The following STAT2 variants were observed in gnomAD, a reference collection of about 807,000 sequenced individuals.
STAT2 encodes the protein signal transducer and activator of transcription 2.
STAT2 carries 51 observed loss-of-function variants against 122.3 expected under a neutral mutation model. That is an observed-to-expected ratio of 0.42 (90% CI 0.33 to 0.53). The LOEUF (loss-of-function observed/expected upper bound fraction) is 0.53, where lower values mean the gene tolerates loss of function less well. Among genes scored for constraint, STAT2 ranks in the 20% least tolerant of loss-of-function variants. The pLI, the probability that STAT2 is intolerant of heterozygous loss-of-function variation, is 0.10. For missense variants in STAT2, 736 were observed against 1,010.3 expected (o/e 0.73, Z 3.68); for synonymous variants, 351 against 394.9 (o/e 0.89, Z 1.32).
chr12:56,352,285 A>G (rs1173690077), intron 8 of STAT2: 2 of 150,806 alleles, frequency 1.3e-5, no homozygotes, highest in African/African-American at 4.9e-5. Flanking sequence ...GAAAACAACC[A>G]TACACTACAC....
At chr12:56,352,371 T>TTTGTTGG (rs1565655623) in intron 8 of STAT2, 2 of 28,464 alleles carry the variant, frequency 7.0e-5, no homozygotes, top group Non-Finnish European at 6.8e-5. Flanking sequence ...TTTTTTTTTT[T>TTTGTTGG]GGTGGGGGTG....
rs369374555 is a variant in STAT2, at chr12:56,349,147, G to T, written c.1440+16C>A. On this transcript the variant is annotated intron_variant, in intron 16 of 23. Transcript: ENST00000314128. ...CCCTCCTCTCGCGCCTTGACCTGTCGGCCCCACTCCCCTACCTGAAGGTTT... is the reference window on the plus strand; with the variant it reads ...CCCTCCTCTCGCGCCTTGACCTGTCTGCCCCACTCCCCTACCTGAAGGTTT... 31 of 1,613,886 alleles carry T rather than the reference G, an allele frequency of 1.9e-5. No individual in the cohort carries two copies. The highest frequency in any genetic ancestry group is 2.6e-5 in the Non-Finnish European group (31 of 1,180,004).
At chr12:56,348,832 G>C in intron 17 of STAT2, 28 bp from the exon 18 acceptor site, 7 of 1,614,218 alleles carry the variant, frequency 4.3e-6, no homozygotes, top group South Asian at 1.1e-5. Context: ...ACAGACAGAT[G>C]ATGAGGGAAG....
intron 17 of STAT2, 45 bp downstream of exon 17, chr12:56,348,879 A>G: frequency 6.2e-7 from 1 of 1,613,822 alleles, no homozygotes; most frequent in African/African-American, 1.3e-5. Flanking sequence ...GAGGGACAGA[A>G]AAGACTAAGG....
rs745776810 is a variant in STAT2 at position 56,343,973 on chromosome 12, C to T, written c.2265G>A (p.Leu755=). Residue 755 remains leucine, a synonymous_variant, in exon 23 of 24, where the codon CTG becomes CTA. Transcript: ENST00000314128. ...LDLGPELESV[L]ESTLEPVIEP... is the part of the protein sequence containing the mutation. ...CTATCACAGGCTCCAGAGTGGACTCCAGCACAGACTCTAGCTCTGGCCCCA... is the reference window on the plus strand; with the variant it reads ...CTATCACAGGCTCCAGAGTGGACTCTAGCACAGACTCTAGCTCTGGCCCCA... 3 of 1,614,194 alleles carry T rather than the reference C, an allele frequency of 1.9e-6. No homozygotes were observed. The South Asian group carries it at 3.3e-5, about 18-fold the overall frequency.
intron 23 of STAT2, 127 bp downstream of exon 23, chr12:56,343,698 A>C: frequency 1.3e-6 from 2 of 1,529,092 alleles, no homozygotes; most frequent in Non-Finnish European, 1.8e-6. Context: ...TTCCTAAAAA[A>C]AGGAATCACA....
At chr12:56,345,751 G>A (rs1487029763) in intron 22 of STAT2, among the ~76,000 whole-genome samples, 2 of 149,982 alleles carry the variant, frequency 1.3e-5, no homozygotes, top group South Asian at 2.1e-4. Context: ...TCACACCACT[G>A]CACTCCAGCC....
chr12:56,356,330 T>A lies in STAT2; in HGVS notation c.132-45A>T, dbSNP rs1879504454. On this transcript the variant is annotated intron_variant, in intron 2 of 23. Coordinates refer to ENST00000314128, the MANE Select transcript of STAT2 (RefSeq NM_005419.4). ...AGTATTAGTGTCTCTGCAGTGTTAC[T>A]GTAGTCCTGAGGCTTTCCAACCCCT... The A allele has an allele frequency of 1.9e-6, 3 of 1,607,866 alleles. No individual in the cohort carries two copies. In the African/African-American group the frequency reaches 4.0e-5, roughly 21 times the overall value.
At chr12:56,344,404 C>T (rs1166343016) in intron 22 of STAT2, among the ~76,000 whole-genome samples, 2 of 152,144 alleles carry the variant, frequency 1.3e-5, no homozygotes, top group African/African-American at 2.4e-5. Context: ...ATCAGGGCTA[C>T]GGAATCTAAC....
chr12:56,346,313 G>T, intron 21 of STAT2, 110 bp from the exon 22 acceptor site: 2 of 1,556,698 alleles, frequency 1.3e-6, no homozygotes, highest in South Asian at 1.1e-5. Flanking sequence ...GTAACCAGCA[G>T]TATCCCATGG....
intron 6 of STAT2, 155 bp from the exon 7 acceptor site, chr12:56,355,018 G>A: frequency 1.3e-6 from 1 of 789,564 alleles, no homozygotes. Flanking sequence ...AATTCTGAAT[G>A]GTCATGCTTG....
intron 6 of STAT2, 82 bp downstream of exon 6, chr12:56,355,194 T>A: frequency 6.6e-7 from 1 of 1,511,606 alleles, no homozygotes; most frequent in Admixed American, 1.7e-5. Context: ...CTACTGCTCA[T>A]CGGAGCTTTC....
chr12:56,351,233 T>C lies in STAT2; in HGVS notation c.942-43A>G, dbSNP rs764772313. 2.5e-6 allele frequency: 4 copies of C among 1,611,676 alleles called. No homozygotes were observed. In the South Asian group the frequency reaches 3.3e-5, roughly 13 times the overall value. On this transcript the variant is annotated intron_variant, in intron 9 of 23. Transcript: ENST00000314128. Reference sequence around the variant, plus strand: ...TGGAGAGAATATATAGCTCAGTATCTGTAAGAATGGCTTCCCTTGTTCCTT... The same window carrying C: ...TGGAGAGAATATATAGCTCAGTATCCGTAAGAATGGCTTCCCTTGTTCCTT...
chr12:56,345,746 C>T (rs1260940896), intron 22 of STAT2, among the ~76,000 whole-genome samples: 1 of 150,322 alleles, frequency 6.7e-6, no homozygotes. Flanking sequence ...CAGGATCACA[C>T]CACTGCACTC....
chr12:56,350,985 G>C (rs1274000768), intron 10 of STAT2, 97 bp from the exon 11 acceptor site: 2 of 1,568,810 alleles, frequency 1.3e-6, no homozygotes, highest in Non-Finnish European at 1.8e-6. Context: ...AAGAGGTAGG[G>C]AGATTGCAGG....
rs1876962574 is a variant in STAT2 at position 56,343,934 on chromosome 12, G to A, written c.2304C>T (p.Cys768=). 1 of 1,614,164 alleles carries A rather than the reference G, an allele frequency of 6.2e-7. No individual in the cohort carries two copies. The highest frequency in any genetic ancestry group is 8.5e-7 in the Non-Finnish European group (1 of 1,180,022). The change falls in exon 23 of 24, where the codon TGC becomes TGT. Residue 768 remains cysteine, a synonymous_variant. Coordinates refer to ENST00000314128, the MANE Select transcript of STAT2 (RefSeq NM_005419.4). ...TLEPVIEPTL[C]MVSQTVPEPD... is the part of the protein sequence containing the mutation. ...GCTCTGGCACTGTTTGTGATACCAT[G>A]CATAGTGTGGGCTCTATCACAGGCT...
chr12:56,359,944 G>A, intron 1 of STAT2, 114 bp downstream of exon 1: 1 of 640,312 alleles, frequency 1.6e-6, no homozygotes. Context: ...TTCAATCTGG[G>A]GACCGAAGCT....
chr12:56,347,808 A>G (rs951804760), intron 19 of STAT2, among the ~76,000 whole-genome samples: 1 of 152,162 alleles, frequency 6.6e-6, no homozygotes, highest in Admixed American at 6.5e-5. Flanking sequence ...GGTCATGAAT[A>G]GCACTTTTAA....
chr12:56,354,080 C>T (rs1879124216), intron 8 of STAT2, among the ~76,000 whole-genome samples: 1 of 116,610 alleles, frequency 8.6e-6, no homozygotes, highest in Admixed American at 9.8e-5. Flanking sequence ...CCATGGATTT[C>T]AAAATAGTAT....
Sources: gnomAD v4.1 joint callset for allele counts (sites outside exome capture counted in the v4.1 genomes callset) on GRCh38, gnomAD v4.1.1 for gene constraint, MANE v1.5 for transcripts, NCBI Gene and HGNC (gene_info 2026-07-23, HGNC 2026-07-21) for gene names.